Variants in SASS6 observed in about 807,000 individuals in gnomAD.
SASS6 encodes the protein spindle assembly abnormal protein 6 homolog.
Under a neutral mutation model 94.9 loss-of-function variants are expected in SASS6, and 59 were observed. The ratio of observed to expected loss-of-function variants is 0.62; its 90% CI spans 0.50 to 0.77. The LOEUF (loss-of-function observed/expected upper bound fraction) is 0.77, where lower values mean the gene tolerates loss of function less well. Ranked by LOEUF, SASS6 falls within the 30% of genes least tolerant of loss-of-function variation. The probability of loss-of-function intolerance (pLI) is 0.00; values close to 1 mark genes in which losing one functional copy is unlikely to be tolerated. For missense variants in SASS6, 698 were observed against 734.1 expected (o/e 0.95, Z 0.57); for synonymous variants, 264 against 270.0 (o/e 0.98, Z 0.22).
chr1:100,100,436 T>C (rs1447718337), intron 14 of SASS6, among the ~76,000 whole-genome samples: 1 of 152,226 alleles, frequency 6.6e-6, no homozygotes, highest in Non-Finnish European at 1.5e-5. Flanking sequence ...CCACAGCAGA[T>C]AACAGACATT....
At chr1:100,085,959 CTA>C (rs1409355687) in intron 15 of SASS6, among the ~76,000 whole-genome samples, 4 of 152,246 alleles carry the variant, frequency 2.6e-5, no homozygotes, top group African/African-American at 9.6e-5. Flanking sequence ...GAGAGTAACA[CTA>C]TTAATTTCTA....
intron 6 of SASS6, among the ~76,000 whole-genome samples, chr1:100,119,971 ATGT>A (rs1654047766): frequency 6.6e-6 from 1 of 152,348 alleles, no homozygotes; most frequent in South Asian, 2.1e-4. Flanking sequence ...TAGGGCAGAA[ATGT>A]TGTAGCTATG....
chr1:100,112,458 A>G lies in SASS6; in HGVS notation c.670-1975T>C, dbSNP rs560103606. Among the ~76,000 whole-genome samples, 98 of 152,314 alleles carry G rather than the reference A, an allele frequency of 6.4e-4. 3 individuals carry two copies. The South Asian group carries it at 0.02, about 32-fold the overall frequency. On this transcript the variant is annotated intron_variant, in intron 7 of 16. Coordinates refer to ENST00000287482, the MANE Select transcript of SASS6 (RefSeq NM_194292.3). ...AAAGAAATTAGTGTAGAAACAATTCAGATTACTCAGTATATTTTTTTAAAT... is the reference window on the plus strand; with the variant it reads ...AAAGAAATTAGTGTAGAAACAATTCGGATTACTCAGTATATTTTTTTAAAT...
rs999567871 is a variant in SASS6, at chr1:100,102,399, G to A, written c.1674+556C>T. ...ATGAATAAAAACGGAAAGGCTGGCC[G>A]GGCGTGGTGGCTCAGGCCTGCAATC... is the stretch of plus-strand genomic sequence containing the variant. On this transcript the variant is annotated intron_variant, in intron 14 of 16. Coordinates refer to ENST00000287482, the MANE Select transcript of SASS6 (RefSeq NM_194292.3). Among the ~76,000 whole-genome samples the A allele has an allele frequency of 5.9e-5, 9 of 152,096 alleles. No homozygotes were observed. The South Asian group carries it at 6.2e-4, about 11-fold the overall frequency.
intron 13 of SASS6, among the ~76,000 whole-genome samples, chr1:100,105,201 G>T (rs1369792798): frequency 1.3e-5 from 2 of 152,042 alleles, no homozygotes; most frequent in Admixed American, 1.3e-4. Flanking sequence ...AGTTAGCATT[G>T]AAAGATTTCA....
chr1:100,126,737 C>T (rs1358422364), intron 1 of SASS6, among the ~76,000 whole-genome samples: 1 of 152,088 alleles, frequency 6.6e-6, no homozygotes, highest in Non-Finnish European at 1.5e-5. Flanking sequence ...TACTGCACCA[C>T]TGCACACCAG....
At chr1:100,106,797 T>G in intron 12 of SASS6, 115 bp downstream of exon 12, 1 of 593,798 alleles carries the variant, frequency 1.7e-6, no homozygotes. Context: ...GAGGCTGCAG[T>G]GAGCTGAGAT....
At chr1:100,122,929 T>C (rs1187597625) in intron 3 of SASS6, among the ~76,000 whole-genome samples, 1 of 151,400 alleles carries the variant, frequency 6.6e-6, no homozygotes, top group East Asian at 1.9e-4. Flanking sequence ...AATCAAGAAC[T>C]AAGCTAAGGA....
intron 8 of SASS6, among the ~76,000 whole-genome samples, chr1:100,109,745 T>G (rs923621075): frequency 2.7e-4 from 41 of 152,092 alleles, no homozygotes; most frequent in Admixed American, 6.5e-5. Flanking sequence ...TTTCTGTGCC[T>G]TAGTTTCATC....
intron 2 of SASS6, among the ~76,000 whole-genome samples, chr1:100,124,741 C>A (rs956189298): frequency 6.6e-6 from 1 of 152,094 alleles, no homozygotes; most frequent in African/African-American, 2.4e-5. Context: ...GCACTAGAAA[C>A]CAGTTTTGTA....
At chr1:100,105,327 G>T (rs1423066063) in intron 13 of SASS6, among the ~76,000 whole-genome samples, 2 of 152,126 alleles carry the variant, frequency 1.3e-5, no homozygotes, top group Non-Finnish European at 2.9e-5. Context: ...AGGAGATCAA[G>T]ACCATCCTGG....
intron 14 of SASS6, among the ~76,000 whole-genome samples, chr1:100,090,553 T>C (rs1420459379): frequency 6.6e-6 from 1 of 152,042 alleles, no homozygotes; most frequent in East Asian, 1.9e-4. Context: ...CCAGAGGTAA[T>C]GGTGACAGCA....
chr1:100,097,304 T>C (rs1652170899), intron 14 of SASS6, among the ~76,000 whole-genome samples: 1 of 152,196 alleles, frequency 6.6e-6, no homozygotes, highest in African/African-American at 2.4e-5. Flanking sequence ...AGCCATTCCA[T>C]TCCTGGGTAC....
intron 7 of SASS6, among the ~76,000 whole-genome samples, chr1:100,118,746 T>C (rs999400292): frequency 4.2e-5 from 3 of 71,538 alleles, no homozygotes; most frequent in African/African-American, 1.0e-4. Context: ...CATATATAAA[T>C]GACATAATTT....
chr1:100,090,769 A>C (rs1557878878), intron 14 of SASS6, among the ~76,000 whole-genome samples: 1 of 152,114 alleles, frequency 6.6e-6, no homozygotes, highest in Non-Finnish European at 1.5e-5. Flanking sequence ...TAGCCAGAAG[A>C]CCAGGAAGGG....
chr1:100,095,695 A>G (rs1377075827), intron 14 of SASS6, among the ~76,000 whole-genome samples: 3 of 152,232 alleles, frequency 2.0e-5, no homozygotes, highest in African/African-American at 7.2e-5. Flanking sequence ...AAAACCACTA[A>G]TGAGTATAAT....
At chr1:100,121,767 C>A (rs918369378) in intron 4 of SASS6, among the ~76,000 whole-genome samples, 3 of 152,028 alleles carry the variant, frequency 2.0e-5, no homozygotes, top group African/African-American at 7.2e-5. Context: ...AGAGAAAAAG[C>A]AAAAACTAGA....
At chr1:100,121,597 A>G (rs1210029553) in intron 4 of SASS6, 48 bp from the exon 5 acceptor site, 2 of 1,043,328 alleles carry the variant, frequency 1.9e-6, no homozygotes, top group Non-Finnish European at 2.9e-6. Context: ...AGATAGTGAA[A>G]ATCTCTCACT....
intron 14 of SASS6, among the ~76,000 whole-genome samples, chr1:100,092,035 A>T (rs907666729): frequency 7.8e-5 from 11 of 141,656 alleles, no homozygotes; most frequent in Non-Finnish European, 1.4e-4. Flanking sequence ...AAAAAAAAAA[A>T]TTGAAGAAAT....
Sources: gnomAD v4.1 joint callset for allele counts (sites outside exome capture counted in the v4.1 genomes callset) on GRCh38, gnomAD v4.1.1 for gene constraint, MANE v1.5 for transcripts, NCBI Gene and HGNC (gene_info 2026-07-23, HGNC 2026-07-21) for gene names.